Variants in PHF19 observed in about 807,000 individuals in gnomAD.
PHF19 encodes polycomb like 3.
Under a neutral mutation model 79.8 loss-of-function variants are expected in PHF19, and 21 were observed. That is an observed-to-expected ratio of 0.26 (90% CI 0.19 to 0.38). PHF19 has a LOEUF of 0.38. Among genes scored for constraint, PHF19 ranks in the 10% least tolerant of loss-of-function variants. The pLI is 1.00. For synonymous variants in PHF19, 273 were observed against 296.3 expected (o/e 0.92, Z 0.81); for missense variants, 445 against 744.2 (o/e 0.60, Z 4.68).
chr9:120,858,741 C>A lies in PHF19; in HGVS notation c.1401-455G>T, dbSNP rs191911247. Among the ~76,000 whole-genome samples, 487 of 151,672 alleles carry A rather than the reference C, an allele frequency of 3.2e-3. 4 individuals are homozygous for A. The highest frequency in any genetic ancestry group is 0.011 in the African/African-American group (466 of 41,348). On this transcript the variant is annotated intron_variant, in intron 14 of 14. Coordinates refer to ENST00000373896, the MANE Select transcript of PHF19 (RefSeq NM_015651.3). Reference sequence around the variant, plus strand: ...ACCAGACTGGTGGAACAAGATAGGTCACATAGGGCTGGGGGTTAGGGACTG... The same window carrying A: ...ACCAGACTGGTGGAACAAGATAGGTAACATAGGGCTGGGGGTTAGGGACTG...
In PHF19 at chr9:120,866,149, AC is replaced by A; in HGVS notation, c.711-54del. 7.8e-7 allele frequency: 1 copy of A among 1,273,940 alleles called. No homozygotes were observed. The highest frequency in any genetic ancestry group is 1.2e-5 in the South Asian group (1 of 84,236). 78.9% of individuals were successfully genotyped at this position (1,273,940 alleles called of 1,614,324 possible). On this transcript the variant is annotated intron_variant, in intron 7 of 14. Coordinates refer to ENST00000373896, the MANE Select transcript of PHF19 (RefSeq NM_015651.3). This position sits in a 1 kb window ranked among gnomAD's most constrained non-coding sequence, Gnocchi z 5.2. The stretch of plus-strand genomic sequence containing the variant: ...TGGTGGGAGGGGCTCTGACACCCCC[AC>A]CCCAGTCCAGCCCCTTGATCTCCTC...
At chr9:120,901,437 CA>C in the PHF19 span, among the ~76,000 whole-genome samples, 1 of 152,108 alleles carries the variant, frequency 6.6e-6, no homozygotes, top group East Asian at 1.9e-4. Context: ...TCAGATGATC[CA>C]CCCGCCTTGG....
upstream of PHF19, among the ~76,000 whole-genome samples, chr9:120,880,044 A>G (rs143644542): frequency 6.6e-6 from 1 of 152,298 alleles, no homozygotes; most frequent in Non-Finnish European, 1.5e-5. Flanking sequence ...GGGACCCTCA[A>G]ATACCTATGG....
At chr9:120,888,178 G>A (rs1430936538) in intron 1 of PHF19, among the ~76,000 whole-genome samples, 2 of 152,218 alleles carry the variant, frequency 1.3e-5, no homozygotes, top group African/African-American at 4.8e-5. Context: ...GTTTCACCAT[G>A]TTGGTCAGGC....
intron 1 of PHF19, among the ~76,000 whole-genome samples, chr9:120,888,031 C>G (rs550000110): frequency 3.5e-4 from 54 of 152,254 alleles, no homozygotes; most frequent in Non-Finnish European, 5.7e-4. Context: ...GGAGTGCAGT[C>G]GCACGATCTC....
upstream of PHF19, chr9:120,877,199 G>T (rs1345868953): frequency 3.1e-6 from 3 of 982,816 alleles, no homozygotes; most frequent in Non-Finnish European, 3.6e-6. Flanking sequence ...GTCCGCCCGT[G>T]GGGCCGGGGT....
At position 120,874,442 on chromosome 9, in the gene PHF19, G is replaced by T; in HGVS notation, c.186+114C>A. 1.4e-6 allele frequency: 1 copy of T among 714,452 alleles called. No homozygotes were observed. Among genetic ancestry groups the T allele is most frequent in the Non-Finnish European group, 2.4e-6 (1 of 422,928 alleles). 44.3% of individuals were successfully genotyped at this position (714,452 alleles called of 1,614,324 possible). The stretch of plus-strand genomic sequence containing the variant: ...TCCCACCACCAGCTTTGGGCATGAG[G>T]GACAAGAAGGGAATTCTCCAGCAAT... On this transcript the variant is annotated intron_variant, in intron 2 of 14. Coordinates refer to ENST00000373896, the MANE Select transcript of PHF19 (RefSeq NM_015651.3). This position sits in a 1 kb window ranked among gnomAD's most constrained non-coding sequence, Gnocchi z 4.5.
intron 1 of PHF19, among the ~76,000 whole-genome samples, chr9:120,892,433 C>G (rs1396053662): frequency 6.6e-6 from 1 of 152,174 alleles, no homozygotes; most frequent in Non-Finnish European, 1.5e-5. Context: ...CATTGTTCCT[C>G]ACGTTTAACA....
intron 1 of PHF19, among the ~76,000 whole-genome samples, chr9:120,890,240 G>A (rs889271626): frequency 2.1e-5 from 3 of 144,240 alleles, no homozygotes; most frequent in African/African-American, 7.9e-5. Context: ...CCTGATTCAG[G>A]TTTTGTGAGC....
rs543049402 is a variant in PHF19, at chr9:120,870,767, G to T, written c.269-229C>A. On this transcript the variant is annotated intron_variant, in intron 3 of 14. Transcript: ENST00000373896. The surrounding 1 kb of genome is among the most constrained non-coding windows in gnomAD (Gnocchi z 4.4). ...TCCCTTGCTTAGCTAGTAAGTAGGT[G>T]AGGGGGGGATTAAACCCATGGCTGT... Among the ~76,000 whole-genome samples, 1 of 152,230 alleles carries T rather than the reference G, an allele frequency of 6.6e-6. No individual in the cohort carries two copies. Among genetic ancestry groups the T allele is most frequent in the Non-Finnish European group, 1.5e-5 (1 of 68,050 alleles).
rs923604595 is a variant in PHF19 at position 120,866,420 on chromosome 9, G to A, written c.711-324C>T. Among the ~76,000 whole-genome samples the A allele has an allele frequency of 2.6e-5, 4 of 152,148 alleles. No homozygotes were observed. Among genetic ancestry groups the A allele is most frequent in the Non-Finnish European group, 5.9e-5 (4 of 68,044 alleles). On this transcript the variant is annotated intron_variant, in intron 7 of 14. Coordinates refer to ENST00000373896, the MANE Select transcript of PHF19 (RefSeq NM_015651.3). The surrounding 1 kb of genome is among the most constrained non-coding windows in gnomAD (Gnocchi z 5.2). ...CCACACACGCAATCACAAATGACAT[G>A]AGACACCAACCAAAAGATGCATAAC...
the PHF19 span, chr9:120,902,292 G>C: frequency 6.6e-6 from 1 of 152,062 alleles, no homozygotes; most frequent in African/African-American, 2.4e-5. Flanking sequence ...TGCTGGGGGT[G>C]GGGGACCTAC....
chr9:120,861,214 A>T, intron 12 of PHF19, 40 bp from the exon 13 acceptor site: 1 of 1,177,136 alleles, frequency 8.5e-7, no homozygotes, highest in Non-Finnish European at 1.3e-6. Context: ...TCAGACAGCG[A>T]GTATCAAATC....
Position 120,874,065 on chromosome 9 carries a change from G to A in PHF19, c.187-5C>T, listed in dbSNP as rs771203777. The A allele has an allele frequency of 6.4e-7, 1 of 1,555,592 alleles. No individual in the cohort carries two copies. The highest frequency in any genetic ancestry group is 2.2e-5 in the East Asian group (1 of 44,592). On this transcript the variant is annotated splice_polypyrimidine_tract_variant and splice_region_variant and intron_variant, in intron 2 of 14. Transcript: ENST00000373896. This position sits in a 1 kb window ranked among gnomAD's most constrained non-coding sequence, Gnocchi z 4.5. ...GCTTTGCTTAGAGCTGCTGACCTGGGGTACAGATAGGAAGGAGCAAGTGAG... is the reference window on the plus strand; with the variant it reads ...GCTTTGCTTAGAGCTGCTGACCTGGAGTACAGATAGGAAGGAGCAAGTGAG...
At position 120,856,111 on chromosome 9, in the gene PHF19, C is replaced by G. The variant is rs1012682051; in HGVS notation, c.*1833G>C. ...CTTCTCAGCTCCCCTTCCACCTGGC[C>G]CTAGTTGGCCCCTGTGGCAGCAGCT... On this transcript the variant is annotated 3_prime_UTR_variant, in exon 15 of 15. Transcript: ENST00000373896. 1.3e-5 allele frequency: 2 copies of G among 152,724 alleles called. No homozygotes were observed. The highest frequency in any genetic ancestry group is 2.9e-5 in the Non-Finnish European group (2 of 68,120). 9.5% of individuals were successfully genotyped at this position (152,724 alleles called of 1,614,324 possible).
At chr9:120,899,264 T>C (rs2046423018), upstream of PHF19, among the ~76,000 whole-genome samples, 1 of 149,790 alleles carries the variant, frequency 6.7e-6, no homozygotes, top group South Asian at 2.1e-4. Context: ...TTTGGGAAGC[T>C]GAGGCAAGTG....
chr9:120,860,130 TGCTG>T lies in PHF19; in HGVS notation c.1356_1359del (p.Ser453ProfsTer129). 1 of 1,599,032 alleles carries T rather than the reference TGCTG, an allele frequency of 6.3e-7. No individual in the cohort carries two copies. The highest frequency in any genetic ancestry group is 8.5e-7 in the Non-Finnish European group (1 of 1,172,556). On this transcript the variant is annotated frameshift_variant, in exon 14 of 15. Coordinates refer to ENST00000373896, the MANE Select transcript of PHF19 (RefSeq NM_015651.3). LOFTEE classifies it high-confidence loss of function. This position sits in a 1 kb window ranked among gnomAD's most constrained non-coding sequence, Gnocchi z 4.1. ...AGGCTGGTGGAGGCAGAGCCAGAGG[TGCTG>T]GCAGCGTCGGTGGAGTCGACATCTG...
Position 120,891,220 on chromosome 9 carries a change from C to T in PHF19, c.42+3568G>A, listed in dbSNP as rs1380910443. 6.6e-6 allele frequency among the ~76,000 whole-genome samples: 1 copy of T among 152,132 alleles called. No homozygotes were observed. Among genetic ancestry groups the T allele is most frequent in the Non-Finnish European group, 1.5e-5 (1 of 68,014 alleles). The stretch of plus-strand genomic sequence containing the variant: ...CACAGTTAGTGTAAGGATCCATTTA[C>T]TCATCTGCCTCTCCCGCCCTCTTCC... On this transcript the variant is annotated intron_variant, in intron 1 of 14. Transcript: ENST00000616568. The surrounding 1 kb of genome is among the most constrained non-coding windows in gnomAD (Gnocchi z 4.3).
At chr9:120,872,453 G>A (rs1434889145) in intron 3 of PHF19, among the ~76,000 whole-genome samples, 1 of 152,198 alleles carries the variant, frequency 6.6e-6, no homozygotes, top group African/African-American at 2.4e-5. Context: ...TCTCCATCTG[G>A]CTCCTTATGC....
Sources: allele counts gnomAD v4.1 joint callset (sites outside exome capture counted in the v4.1 genomes callset), GRCh38; gene constraint gnomAD v4.1.1; non-coding constraint Gnocchi (gnomAD v3.1); transcripts MANE v1.5; gene names NCBI Gene and HGNC (gene_info 2026-07-23, HGNC 2026-07-21).